KCNIP4: variants seen among roughly 807,000 people sequenced by gnomAD.
KCNIP4 encodes potassium voltage-gated channel interacting protein 4, also known as Kv channel-interacting protein 4.
Under a neutral mutation model 34.0 loss-of-function variants are expected in KCNIP4, and 12 were observed. That is an observed-to-expected ratio of 0.35 (90% CI 0.23 to 0.57). The LOEUF (loss-of-function observed/expected upper bound fraction) is 0.57. KCNIP4 is among the 20% of genes least tolerant of loss of function. The pLI, the probability that KCNIP4 is intolerant of heterozygous loss-of-function variation, is 0.83. For synonymous variants in KCNIP4, 124 were observed against 102.2 expected, an observed-to-expected ratio of 1.21 and a Z score of -1.29; for missense variants, 238 against 311.7, an observed-to-expected ratio of 0.76 and a Z score of 1.78.
intron 1 of KCNIP4, among the ~76,000 whole-genome samples, chr4:21,698,909 TC>T (rs895810455): frequency 2.5e-4 from 38 of 152,194 alleles, no homozygotes; most frequent in African/African-American, 7.7e-4. Context: ...TCTTCCCCAT[TC>T]CCACCAGTCT....
chr4:21,614,396 T>C (rs1477902737), intron 1 of KCNIP4, among the ~76,000 whole-genome samples: 1 of 151,376 alleles, frequency 6.6e-6, no homozygotes, highest in Non-Finnish European at 1.5e-5. Flanking sequence ...GAAAAATGAA[T>C]GCACCCCTAC....
intron 1 of KCNIP4, among the ~76,000 whole-genome samples, chr4:21,045,031 G>A (rs1189070350): frequency 1.3e-5 from 2 of 152,196 alleles, no homozygotes; most frequent in Non-Finnish European, 2.9e-5. Flanking sequence ...ACATCCTCAT[G>A]ATTCATTAAG....
At chr4:21,683,574 T>C (rs1414953732) in intron 1 of KCNIP4, among the ~76,000 whole-genome samples, 1 of 145,834 alleles carries the variant, frequency 6.9e-6, no homozygotes. Flanking sequence ...GTTCACGCCA[T>C]TCTCCTGCCT....
intron 1 of KCNIP4, among the ~76,000 whole-genome samples, chr4:21,786,050 G>A (rs1353165422): frequency 1.3e-5 from 2 of 152,208 alleles, no homozygotes; most frequent in Non-Finnish European, 2.9e-5. Context: ...TCGATTTCAA[G>A]CGATTCCCCT....
chr4:20,834,298 C>G (rs1328441077), intron 3 of KCNIP4, among the ~76,000 whole-genome samples: 1 of 152,154 alleles, frequency 6.6e-6, no homozygotes, highest in East Asian at 1.9e-4. Context: ...AATACATTTA[C>G]TTGTTCAGGT....
At chr4:21,183,999 G>T (rs752569029) in intron 1 of KCNIP4, among the ~76,000 whole-genome samples, 9 of 151,844 alleles carry the variant, frequency 5.9e-5, no homozygotes, top group Admixed American at 3.3e-4. Flanking sequence ...AAAAATTGTT[G>T]TTTATTAATT....
chr4:21,563,152 C>T (rs888660297), intron 1 of KCNIP4, among the ~76,000 whole-genome samples: 1 of 151,726 alleles, frequency 6.6e-6, no homozygotes, highest in Non-Finnish European at 1.5e-5. Context: ...ATGCTAATAA[C>T]TACTAGATTT....
At chr4:21,672,064 G>T (rs2109009792) in intron 1 of KCNIP4, among the ~76,000 whole-genome samples, 1 of 152,246 alleles carries the variant, frequency 6.6e-6, no homozygotes, top group South Asian at 2.1e-4. Context: ...TGCTAAGATA[G>T]ATCATATTTA....
At chr4:21,891,885 C>A (rs552414764) in intron 1 of KCNIP4, among the ~76,000 whole-genome samples, 14 of 151,998 alleles carry the variant, frequency 9.2e-5, no homozygotes, top group African/African-American at 3.4e-4. Context: ...AATTAATTTG[C>A]CTCTGTCTCT....
intron 1 of KCNIP4, among the ~76,000 whole-genome samples, chr4:21,087,146 ATGTGTGTGTGTGTG>A (rs34874556): frequency 8.1e-5 from 9 of 110,934 alleles, no homozygotes; most frequent in African/African-American, 1.9e-4. Context: ...CTGCTGGGTA[ATGTGTGTGTGTGTG>A]TGTGTGTGTG....
chr4:20,805,384 G>A (rs1714952104), intron 3 of KCNIP4, among the ~76,000 whole-genome samples: 1 of 151,456 alleles, frequency 6.6e-6, no homozygotes, highest in Non-Finnish European at 1.5e-5. Context: ...TTCTTCTATT[G>A]ACTAAATTTT....
chr4:20,888,456 C>T lies in KCNIP4; in HGVS notation c.62-5747G>A, dbSNP rs563310980. Among the ~76,000 whole-genome samples the T allele has an allele frequency of 5.9e-5, 9 of 152,142 alleles. No individual in the cohort carries two copies. In the South Asian group the frequency reaches 1.2e-3, roughly 21 times the overall value. ...ATATGCTTCCTCACAGTGTGTGAAGCGATCCCTAAATAGATAGCTGTGTGT... is the reference window on the plus strand; with the variant it reads ...ATATGCTTCCTCACAGTGTGTGAAGTGATCCCTAAATAGATAGCTGTGTGT... On this transcript the variant is annotated intron_variant, in intron 1 of 8. Transcript: ENST00000382152.
At chr4:21,710,294 T>C (rs534441149) in intron 1 of KCNIP4, among the ~76,000 whole-genome samples, 31 of 152,144 alleles carry the variant, frequency 2.0e-4, no homozygotes, top group African/African-American at 6.0e-4. Context: ...ACGACCACAC[T>C]CACACACTCC....
chr4:21,703,637 A>G (rs1246552981), intron 1 of KCNIP4, among the ~76,000 whole-genome samples: 1 of 152,176 alleles, frequency 6.6e-6, no homozygotes, highest in Non-Finnish European at 1.5e-5. Flanking sequence ...AAAATACAAT[A>G]TCATTTACAA....
intron 1 of KCNIP4, among the ~76,000 whole-genome samples, chr4:21,592,364 G>A (rs746688533): frequency 2.6e-5 from 4 of 151,950 alleles, no homozygotes; most frequent in South Asian, 2.1e-4. Flanking sequence ...AAGATATCTC[G>A]TTTGGTTATT....
At chr4:21,802,204 A>G (rs202151105) in intron 1 of KCNIP4, among the ~76,000 whole-genome samples, 2 of 152,170 alleles carry the variant, frequency 1.3e-5, no homozygotes, top group East Asian at 1.9e-4. Flanking sequence ...TTTCTCCAAC[A>G]ACAAGTGAAC....
At chr4:20,780,865 T>C (rs940391531) in intron 3 of KCNIP4, among the ~76,000 whole-genome samples, 5 of 152,210 alleles carry the variant, frequency 3.3e-5, no homozygotes, top group Non-Finnish European at 7.3e-5. Flanking sequence ...CTTAAGATAC[T>C]TTGAATGGGT....
At chr4:21,468,816 TA>T (rs1730212016) in intron 1 of KCNIP4, among the ~76,000 whole-genome samples, 5 of 152,188 alleles carry the variant, frequency 3.3e-5, no homozygotes, top group Admixed American at 3.3e-4. Context: ...GCTTTTTTGC[TA>T]GCGCACTTTT....
intron 1 of KCNIP4, among the ~76,000 whole-genome samples, chr4:21,370,087 G>A (rs1230909341): frequency 6.8e-6 from 1 of 147,254 alleles, no homozygotes; most frequent in Non-Finnish European, 1.5e-5. Context: ...TCGGCCTCCC[G>A]AAGTGCTGGG....
Sources: allele counts gnomAD v4.1 joint callset (sites outside exome capture counted in the v4.1 genomes callset), GRCh38; gene constraint gnomAD v4.1.1; transcripts MANE v1.5; gene names NCBI Gene and HGNC (gene_info 2026-07-23, HGNC 2026-07-21).